RYR2: variants seen among roughly 807,000 people sequenced by gnomAD.
RYR2 encodes the protein ryanodine receptor 2.
A neutral mutation model predicts 601.1 loss-of-function variants in RYR2; 227 were observed. The observed-to-expected ratio is 0.38, with a 90% CI of 0.34 to 0.42. The LOEUF (loss-of-function observed/expected upper bound fraction) is 0.42. RYR2 is among the 10% of genes least tolerant of loss of function. The probability of loss-of-function intolerance (pLI) is 1.00; values close to 1 mark genes in which losing one functional copy is unlikely to be tolerated. For synonymous variants in RYR2, 2,223 were observed against 2,175.1 expected (o/e 1.02, Z -0.61); for missense variants, 4,646 against 6,156.5 (o/e 0.75, Z 8.21).
intron 1 of RYR2, among the ~76,000 whole-genome samples, chr1:237,124,730 G>A (rs1167227208): frequency 6.6e-6 from 1 of 151,992 alleles, no homozygotes; most frequent in Non-Finnish European, 1.5e-5. Context: ...GACAGGGAAG[G>A]TAACATTCAC....
intron 6 of RYR2, among the ~76,000 whole-genome samples, chr1:237,370,964 T>G (rs1700596036): frequency 6.6e-6 from 1 of 152,110 alleles, no homozygotes; most frequent in African/African-American, 2.4e-5. Flanking sequence ...CCGGCCTCAT[T>G]CCATTCTTAT....
At chr1:237,504,245 C>T (rs571766556) in intron 22 of RYR2, among the ~76,000 whole-genome samples, 32 of 152,280 alleles carry the variant, frequency 2.1e-4, no homozygotes, top group African/African-American at 3.4e-4. Flanking sequence ...TGGGTGCAGG[C>T]GGGCTGAGTC....
chr1:237,470,575 G>A (rs1289470152), intron 17 of RYR2, among the ~76,000 whole-genome samples: 4 of 152,144 alleles, frequency 2.6e-5, no homozygotes, highest in Non-Finnish European at 5.9e-5. Context: ...AAATAATTAT[G>A]AGATGAGGGT....
chr1:237,598,993 A>G lies in RYR2; in HGVS notation c.4597-3032A>G, dbSNP rs1472943274. 2.6e-5 allele frequency among the ~76,000 whole-genome samples: 4 copies of G among 152,274 alleles called. No individual in the cohort carries two copies. In the East Asian group the frequency reaches 7.7e-4, roughly 29 times the overall value. On this transcript the variant is annotated intron_variant, in intron 34 of 104. Transcript: ENST00000366574. ...GAAATACAAAGGATAATGAGAAAATATTATGAAAAATTGTATGCCAACAAA... is the reference window on the plus strand; with the variant it reads ...GAAATACAAAGGATAATGAGAAAATGTTATGAAAAATTGTATGCCAACAAA...
intron 84 of RYR2, among the ~76,000 whole-genome samples, chr1:237,761,423 A>G (rs572777626): frequency 1.4e-4 from 21 of 152,298 alleles, no homozygotes; most frequent in African/African-American, 4.6e-4. Flanking sequence ...TTATTTCCTT[A>G]GGATAGTGAT....
chr1:237,787,597 C>CAAAAAAAAAAAAAAAAAAA, intron 91 of RYR2, among the ~76,000 whole-genome samples: 1 of 60,396 alleles, frequency 1.7e-5, no homozygotes, highest in Non-Finnish European at 3.8e-5. Flanking sequence ...GTCTCAAAAA[C>CAAAAAAAAAAAAAAAAAAA]AAAAAAAAAA....
At chr1:237,781,865 G>GTACTT (rs751148077) in intron 89 of RYR2, among the ~76,000 whole-genome samples, 4 of 152,110 alleles carry the variant, frequency 2.6e-5, no homozygotes, top group Admixed American at 1.3e-4. Flanking sequence ...GAAAATAGTA[G>GTACTT]TACTTTATAA....
At position 237,205,823 on chromosome 1, in the gene RYR2, G is replaced by A. The variant is rs114727856; in HGVS notation, c.49-64674G>A. Among the ~76,000 whole-genome samples the A allele has an allele frequency of 7.2e-3, 1,104 of 152,340 alleles. 3 individuals are homozygous for A. Among genetic ancestry groups the A allele is most frequent in the Non-Finnish European group, 0.011 (781 of 68,034 alleles). On this transcript the variant is annotated intron_variant, in intron 1 of 104. Transcript: ENST00000366574. ...CTCTTCCTGCACTGGGCAGAGAGCC[G>A]TGATGGGGCCTCAGCAGGAGTGCAT...
intron 1 of RYR2, among the ~76,000 whole-genome samples, chr1:237,098,981 G>A (rs1667783565): frequency 6.6e-6 from 1 of 152,164 alleles, no homozygotes; most frequent in Admixed American, 6.5e-5. Flanking sequence ...ATGTGCACAA[G>A]TACAATGAGG....
intron 2 of RYR2, among the ~76,000 whole-genome samples, chr1:237,300,444 T>C (rs1267104392): frequency 1.3e-5 from 2 of 152,196 alleles, no homozygotes. Context: ...TGCAACCCAG[T>C]TGACATGCAG....
Position 237,714,920 on chromosome 1 carries a change from G to A in RYR2, c.10324-2278G>A, listed in dbSNP as rs1224189180. Among the ~76,000 whole-genome samples the A allele has an allele frequency of 2.2e-5, 3 of 134,082 alleles. No individual in the cohort carries two copies. In the East Asian group the frequency reaches 7.3e-4, roughly 33 times the overall value. 88.0% of individuals were successfully genotyped at this position (134,082 alleles called of 152,430 possible). A position where few individuals can be genotyped will look rare whatever the true frequency, so the allele number is the denominator to read the frequency against. ...GAGGCAGAGCATTACTTGAACCCAG[G>A]AGATGGAGACTGCAGTGAGCCGAGA... On this transcript the variant is annotated intron_variant, in intron 71 of 104. Transcript: ENST00000366574.
chr1:237,158,447 A>G (rs905900073), intron 1 of RYR2, among the ~76,000 whole-genome samples: 3 of 152,196 alleles, frequency 2.0e-5, no homozygotes, highest in African/African-American at 7.2e-5. Flanking sequence ...TCCTTTTCAT[A>G]TATGCCTTCT....
rs1352991245 is a variant in RYR2, at chr1:237,640,030, C to CAT, written c.7115+830_7115+831insTA. 9.2e-5 allele frequency among the ~76,000 whole-genome samples: 14 copies of CAT among 151,948 alleles called. No individual in the cohort carries two copies. The South Asian group carries it at 2.9e-3, about 32-fold the overall frequency. ...GAGCACTCCCCACCACACACACACA[C>CAT]ACCATGCTACATGCTTATCAGTTTC... On this transcript the variant is annotated intron_variant, in intron 46 of 104. Transcript: ENST00000366574.
chr1:237,701,212 C>A (rs573265965), intron 65 of RYR2, among the ~76,000 whole-genome samples: 13 of 152,112 alleles, frequency 8.5e-5, no homozygotes, highest in Non-Finnish European at 1.5e-4. Flanking sequence ...AGTGGCAGAA[C>A]GTTTATTTTA....
chr1:237,420,366 TACTC>T (rs1201293340), intron 11 of RYR2, among the ~76,000 whole-genome samples: 1 of 152,244 alleles, frequency 6.6e-6, no homozygotes, highest in Non-Finnish European at 1.5e-5. Flanking sequence ...CATAAAGAAG[TACTC>T]ACTATTCCCC....
intron 1 of RYR2, among the ~76,000 whole-genome samples, chr1:237,125,264 C>T (rs747545348): frequency 1.3e-5 from 2 of 151,940 alleles, no homozygotes; most frequent in African/African-American, 2.4e-5. Context: ...CTCGGAGGTT[C>T]GGTGGGTTGG....
At chr1:237,291,041 C>T (rs573411540) in intron 2 of RYR2, among the ~76,000 whole-genome samples, 3 of 152,116 alleles carry the variant, frequency 2.0e-5, no homozygotes, top group East Asian at 1.9e-4. Context: ...CTGTTAGAAG[C>T]GTAAATTGAT....
chr1:237,586,456 G>C (rs1398408987), intron 29 of RYR2, among the ~76,000 whole-genome samples: 2 of 152,180 alleles, frequency 1.3e-5, no homozygotes, highest in African/African-American at 4.8e-5. Context: ...AGGAGTTACA[G>C]AAGATAGGAT....
At chr1:237,535,684 C>T (rs1213921676) in intron 25 of RYR2, among the ~76,000 whole-genome samples, 1 of 151,938 alleles carries the variant, frequency 6.6e-6, no homozygotes, top group Non-Finnish European at 1.5e-5. Flanking sequence ...AGCATAGATG[C>T]AAAAATGCTA....
Sources: gnomAD v4.1 joint callset for allele counts (sites outside exome capture counted in the v4.1 genomes callset) on GRCh38, gnomAD v4.1.1 for gene constraint, MANE v1.5 for transcripts, NCBI Gene and HGNC (gene_info 2026-07-23, HGNC 2026-07-21) for gene names.